Variants in APP observed in about 807,000 individuals in gnomAD.
APP encodes the protein amyloid-beta precursor protein.
A neutral mutation model predicts 101.4 loss-of-function variants in APP; 31 were observed. The observed-to-expected ratio is 0.31, with a 90% confidence interval of 0.23 to 0.41. The LOEUF is 0.41. APP is among the 10% of genes least tolerant of loss of function. The pLI, the probability that APP is intolerant of heterozygous loss-of-function variation, is 1.00. For missense variants in APP, 839 were observed against 1,003.7 expected (o/e 0.84, Z 2.22); for synonymous variants, 366 against 364.4 (o/e 1.00, Z -0.05).
chr21:26,044,036 G>C (rs571472062), intron 5 of APP, among the ~76,000 whole-genome samples: 7 of 152,220 alleles, frequency 4.6e-5, no homozygotes, highest in Admixed American at 2.6e-4. Flanking sequence ...TGCTAAAGAA[G>C]ACAAAATAAT....
intron 1 of APP, chr21:26,140,248 G>A: frequency 1.3e-6 from 2 of 1,536,034 alleles, no homozygotes; most frequent in Middle Eastern, 3.3e-4. Flanking sequence ...CAGCAACTGT[G>A]GAATACTCCC....
At chr21:26,113,680 G>A (rs886745010) in intron 1 of APP, among the ~76,000 whole-genome samples, 1 of 152,148 alleles carries the variant, frequency 6.6e-6, no homozygotes, top group Non-Finnish European at 1.5e-5. Flanking sequence ...TGAGCCCCTT[G>A]CCACTTCCTG....
rs117013912 is a variant in APP, at chr21:26,009,086, T to A, written c.866-8904A>T. On this transcript the variant is annotated intron_variant, in intron 6 of 17. Coordinates refer to ENST00000346798, the MANE Select transcript of APP (RefSeq NM_000484.4). The stretch of plus-strand genomic sequence containing the variant: ...TATCTCAGTTTGAGAAGCAGCATGA[T>A]CAACCTTATCTTTTAAATGCAATAG... 9.7e-4 allele frequency among the ~76,000 whole-genome samples: 147 copies of A among 152,326 alleles called. 5 individuals are homozygous for A. The East Asian group carries it at 0.027, about 28-fold the overall frequency.
intron 15 of APP, among the ~76,000 whole-genome samples, chr21:25,900,237 A>G (rs2038352810): frequency 6.6e-6 from 1 of 152,112 alleles, no homozygotes; most frequent in South Asian, 2.1e-4. Context: ...TTCTGTTATT[A>G]AGATCTGGCA....
chr21:26,111,648 G>T (rs554759567), intron 2 of APP, among the ~76,000 whole-genome samples: 29 of 152,032 alleles, frequency 1.9e-4, no homozygotes, highest in African/African-American at 6.8e-4. Context: ...GAGGTGGGAG[G>T]ATTGCTTGAG....
chr21:26,157,451 G>A (rs889895651), intron 1 of APP, among the ~76,000 whole-genome samples: 5 of 152,190 alleles, frequency 3.3e-5, no homozygotes, highest in African/African-American at 1.2e-4. Flanking sequence ...ACCAAGAGCA[G>A]CTTCTGAGGA....
intron 12 of APP, 89 bp from the exon 13 acceptor site, chr21:25,954,778 G>A (rs1309743116): frequency 1.1e-5 from 13 of 1,169,554 alleles, no homozygotes; most frequent in Middle Eastern, 2.3e-4. Context: ...TTTTTGAGAC[G>A]GAGTCTCGCT....
intron 2 of APP, among the ~76,000 whole-genome samples, chr21:26,110,399 T>C (rs1036085652): frequency 6.6e-6 from 1 of 152,006 alleles, no homozygotes; most frequent in Admixed American, 6.6e-5. Context: ...TAAGCTGAGA[T>C]TGCACCACTG....
chr21:25,926,051 T>C (rs747349935), intron 13 of APP, among the ~76,000 whole-genome samples: 1 of 152,330 alleles, frequency 6.6e-6, no homozygotes, highest in Non-Finnish European at 1.5e-5. Context: ...AGGGGAATAT[T>C]GCCAAAACAC....
At chr21:25,931,159 A>G (rs2040128433) in intron 13 of APP, among the ~76,000 whole-genome samples, 1 of 152,200 alleles carries the variant, frequency 6.6e-6, no homozygotes, top group East Asian at 1.9e-4. Context: ...AAAAATAATT[A>G]CTATTACAAG....
In APP at chr21:25,947,846, T is replaced by C. The variant is rs917067038; in HGVS notation, c.1687+6744A>G. Among the ~76,000 whole-genome samples, 7 of 151,656 alleles carry C rather than the reference T, an allele frequency of 4.6e-5. No homozygotes were observed. The East Asian group carries it at 1.4e-3, about 29-fold the overall frequency. On this transcript the variant is annotated intron_variant, in intron 13 of 17. Transcript: ENST00000346798. The stretch of plus-strand genomic sequence containing the variant: ...GGTGAAACCCTGTCTCTACTAAAAA[T>C]ACAAAAAAATTAGCCAGGTGTGGTG...
chr21:25,970,965 C>CT (rs2042009724), intron 11 of APP, among the ~76,000 whole-genome samples: 1 of 152,130 alleles, frequency 6.6e-6, no homozygotes, highest in Non-Finnish European at 1.5e-5. Flanking sequence ...ACAAACAATT[C>CT]CAGCCAAGAT....
chr21:26,016,901 G>A (rs561299367), intron 6 of APP, among the ~76,000 whole-genome samples: 10 of 143,316 alleles, frequency 7.0e-5, no homozygotes, highest in South Asian at 2.2e-4. Flanking sequence ...TTTCGGCCAC[G>A]CATGGTGGCC....
Position 25,881,323 on chromosome 21 carries a change from C to A in APP, c.*347G>T. On this transcript the variant is annotated 3_prime_UTR_variant, in exon 18 of 18. Coordinates refer to ENST00000346798, the MANE Select transcript of APP (RefSeq NM_000484.4). The stretch of plus-strand genomic sequence containing the variant: ...TGTAAAGTAGGACTTAATTGGGTCA[C>A]AAACCACAAGAATAATATACAACTG... 1 of 345,390 alleles carries A rather than the reference C, an allele frequency of 2.9e-6. No individual in the cohort carries two copies. The highest frequency in any genetic ancestry group is 5.5e-6 in the Non-Finnish European group (1 of 181,996). The allele number at this position is 345,390 out of a possible 1,614,324, so 21.4% of individuals were successfully genotyped here. A position where few individuals can be genotyped will look rare whatever the true frequency, so the allele number is the denominator to read the frequency against.
At chr21:25,900,418 G>A (rs2038376752) in intron 15 of APP, among the ~76,000 whole-genome samples, 1 of 148,828 alleles carries the variant, frequency 6.7e-6, no homozygotes, top group Non-Finnish European at 1.5e-5. Flanking sequence ...AATTAGCCAG[G>A]TGTGGTGGCG....
chr21:25,884,491 C>T (rs780234431), intron 17 of APP, among the ~76,000 whole-genome samples: 5 of 152,204 alleles, frequency 3.3e-5, no homozygotes, highest in Non-Finnish European at 7.3e-5. Flanking sequence ...GGTCACCTGG[C>T]TTTAACTGGT....
intron 2 of APP, 51 bp downstream of exon 2, chr21:26,111,928 A>T (rs1388902666): frequency 6.2e-7 from 1 of 1,607,158 alleles, no homozygotes; most frequent in Non-Finnish European, 8.5e-7. Context: ...ATTTTTTGAA[A>T]ACAAATGCAT....
chr21:26,149,656 T>C (rs188845268), intron 1 of APP, among the ~76,000 whole-genome samples: 5 of 152,346 alleles, frequency 3.3e-5, no homozygotes, highest in African/African-American at 1.2e-4. Context: ...GAAGAAAAGA[T>C]GAATTGCTGT....
chr21:25,961,306 C>T (rs1180163094), intron 11 of APP, among the ~76,000 whole-genome samples: 1 of 152,200 alleles, frequency 6.6e-6, no homozygotes, highest in Admixed American at 6.5e-5. Context: ...AAATGCATAA[C>T]ACTAAGCTGT....
Sources: gnomAD v4.1 joint callset for allele counts (sites outside exome capture counted in the v4.1 genomes callset) on GRCh38, gnomAD v4.1.1 for gene constraint, MANE v1.5 for transcripts, NCBI Gene and HGNC (gene_info 2026-07-23, HGNC 2026-07-21) for gene names.